CST8: variants seen among roughly 807,000 people sequenced by gnomAD.
The protein encoded by CST8 is cystatin-8.
Under a neutral mutation model 11.8 loss-of-function variants are expected in CST8, and 20 were observed. That is an observed-to-expected ratio of 1.70 (90% confidence interval 1.20 to 2.47). CST8 has a LOEUF of 2.47. Among genes scored for constraint, CST8 ranks in the 30% most tolerant of loss-of-function variants. The pLI, the probability that CST8 is intolerant of heterozygous loss-of-function variation, is 0.00. For missense variants in CST8, 196 were observed against 167.2 expected (o/e 1.17, Z -0.95); for synonymous variants, 77 against 63.1 (o/e 1.22, Z -1.05).
intron 3 of CST8, among the ~76,000 whole-genome samples, chr20:23,494,741 T>C (rs1987991624): frequency 1.3e-5 from 2 of 152,250 alleles, no homozygotes; most frequent in Non-Finnish European, 2.9e-5. Flanking sequence ...AGCAGAGTTC[T>C]TTGGAAGAAA....
intron 3 of CST8, among the ~76,000 whole-genome samples, chr20:23,494,552 C>T (rs6106673): frequency 0.026 from 3,970 of 152,206 alleles, 82 homozygotes; most frequent in African/African-American, 0.055. Context: ...CTTTGTCTGC[C>T]TCTTAACTCC....
chr20:23,501,282 G>T, the CST8 span, among the ~76,000 whole-genome samples: 2 of 152,188 alleles, frequency 1.3e-5, no homozygotes, highest in Admixed American at 1.3e-4. Context: ...CAGAGTTGAG[G>T]GAATCAGATG....
Position 23,491,700 on chromosome 20 carries a change from C to A in CST8, c.33C>A (p.Leu11=), listed in dbSNP as rs752503864. The A allele has an allele frequency of 4.3e-6, 7 of 1,613,914 alleles. No homozygotes were observed. In the South Asian group the frequency reaches 6.6e-5, roughly 15 times the overall value. Residue 11 remains leucine, a synonymous_variant, in exon 2 of 4, where the codon CTC becomes CTA. Transcript: ENST00000246012. ...GGTGCCGGTGGCTCTCCCTGATCCT[C>A]CTCACCATTCCCCTGGCCCTGGTGG... MPRCRWLSLI[L]LTIPLALVAR...
At chr20:23,491,444 C>T (rs1987875775) in intron 1 of CST8, 81 bp from the exon 2 acceptor site, 2 of 576,384 alleles carry the variant, frequency 3.5e-6, no homozygotes, top group East Asian at 2.9e-5. Context: ...GACTCCTTAA[C>T]TGGCATTCCT....
downstream of CST8, among the ~76,000 whole-genome samples, chr20:23,496,615 G>A (rs6076079): frequency 5.3e-4 from 81 of 152,324 alleles, 1 homozygote; most frequent in Non-Finnish European, 1.1e-3. Flanking sequence ...GGGTTTGAGA[G>A]CAGACAACTG....
At chr20:23,499,987 A>G (rs994274262), downstream of CST8, among the ~76,000 whole-genome samples, 2 of 151,610 alleles carry the variant, frequency 1.3e-5, no homozygotes, top group African/African-American at 4.8e-5. Context: ...AAAGAGAGAG[A>G]AAGGGGAAGG....
chr20:23,493,302 C>G lies in CST8; in HGVS notation c.345+231C>G, dbSNP rs145501564. ...CAGAAAGGATGTTGTCAAGACCACTCTTATCTCAAGGGCTCCATTGACTTC... is the reference window on the plus strand; with the variant it reads ...CAGAAAGGATGTTGTCAAGACCACTGTTATCTCAAGGGCTCCATTGACTTC... On this transcript the variant is annotated intron_variant, in intron 3 of 3. Transcript: ENST00000246012. 4.1e-4 allele frequency among the ~76,000 whole-genome samples: 63 copies of G among 152,296 alleles called. 1 individual carries two copies. In the East Asian group the frequency reaches 0.011, roughly 27 times the overall value.
At chr20:23,500,389 G>A (rs182923705), downstream of CST8, among the ~76,000 whole-genome samples, 370 of 152,232 alleles carry the variant, frequency 2.4e-3, 1 homozygote, top group African/African-American at 8.2e-3. Context: ...CTCAGAGGAC[G>A]TGAGTGCTGT....
chr20:23,492,223 A>G (rs1987909976), intron 2 of CST8, among the ~76,000 whole-genome samples: 1 of 152,258 alleles, frequency 6.6e-6, no homozygotes, highest in South Asian at 2.1e-4. Flanking sequence ...AGGTGAGTCC[A>G]GGTGAACCTG....
chr20:23,506,505 T>G, the CST8 span, among the ~76,000 whole-genome samples: 2 of 152,192 alleles, frequency 1.3e-5, no homozygotes, highest in Non-Finnish European at 2.9e-5. Context: ...CTATACCCCA[T>G]GTTCTGAATT....
chr20:23,501,445 C>T, the CST8 span, among the ~76,000 whole-genome samples: 2 of 152,258 alleles, frequency 1.3e-5, no homozygotes, highest in East Asian at 1.9e-4. Flanking sequence ...CCTCCCTCTG[C>T]CCCATCCCGT....
chr20:23,497,556 T>C (rs978616583), downstream of CST8, among the ~76,000 whole-genome samples: 6 of 152,244 alleles, frequency 3.9e-5, no homozygotes. Flanking sequence ...TAGTCTGTTC[T>C]CACACTGCTG....
chr20:23,491,888 C>CCCAG lies in CST8; in HGVS notation c.223_226dup (p.Leu76ProfsTer13). 3 of 1,613,432 alleles carry CCCAG rather than the reference C, an allele frequency of 1.9e-6. No homozygotes were observed. Among genetic ancestry groups the CCCAG allele is most frequent in the Non-Finnish European group, 2.5e-6 (3 of 1,179,364 alleles). ...TTCCTGGTGGTCAAGACACTGCAAG[C>CCCAG]CCAGCTTCAGGTAAAGGTGTCTTTC... is the stretch of plus-strand genomic sequence containing the variant. On this transcript the variant is annotated frameshift_variant, in exon 2 of 4. Coordinates refer to ENST00000246012, the MANE Select transcript of CST8 (RefSeq NM_005492.4). LOFTEE classifies it high-confidence loss of function.
chr20:23,506,107 A>T, the CST8 span, among the ~76,000 whole-genome samples: 1 of 151,610 alleles, frequency 6.6e-6, no homozygotes, highest in Non-Finnish European at 1.5e-5. Flanking sequence ...GGTAGTTTGT[A>T]CTGGAGAATG....
chr20:23,495,908 T>A lies in CST8; in HGVS notation c.423T>A (p.Asp141Glu). ...CTGTGATGGAGAAAAAGTGTGAAGATGCTTAATGGTGTTTTGAGGCATCCC... is the reference window on the plus strand; with the variant it reads ...CTGTGATGGAGAAAAAGTGTGAAGAAGCTTAATGGTGTTTTGAGGCATCCC... Reference protein sequence around the residue: ...EFTVMEKKCEDA With the variant: ...EFTVMEKKCEEA The change falls in exon 4 of 4, where the codon GAT becomes GAA. Residue 141 changes from aspartate to glutamate, a missense_variant. Transcript: ENST00000246012. 6.2e-7 allele frequency: 1 copy of A among 1,610,868 alleles called. No homozygotes were observed. Among genetic ancestry groups the A allele is most frequent in the Non-Finnish European group, 8.5e-7 (1 of 1,178,642 alleles).
At chr20:23,497,542 G>A (rs967272500), downstream of CST8, among the ~76,000 whole-genome samples, 1 of 152,210 alleles carries the variant, frequency 6.6e-6, no homozygotes, top group African/African-American at 2.4e-5. Context: ...CTTCCTATAT[G>A]TATTAGTCTG....
At chr20:23,500,430 C>T (rs6132634), downstream of CST8, among the ~76,000 whole-genome samples, 1 of 152,110 alleles carries the variant, frequency 6.6e-6, no homozygotes, top group African/African-American at 2.4e-5. Context: ...CCTGTAGGGC[C>T]TTCACCACCT....
chr20:23,495,807 T>A (rs1988028902), intron 3 of CST8, 24 bp from the exon 4 acceptor site: 5 of 1,531,502 alleles, frequency 3.3e-6, no homozygotes, highest in Non-Finnish European at 4.5e-6. Context: ...CTCTACTAAT[T>A]TTTGTTGTTG....
chr20:23,494,181 G>A (rs1208048700), intron 3 of CST8, among the ~76,000 whole-genome samples: 1 of 152,142 alleles, frequency 6.6e-6, no homozygotes, highest in African/African-American at 2.4e-5. Context: ...GATCTTTTAT[G>A]CTTGTTTTAT....
Sources: gnomAD v4.1 joint callset for allele counts (sites outside exome capture counted in the v4.1 genomes callset) on GRCh38, gnomAD v4.1.1 for gene constraint, MANE v1.5 for transcripts, NCBI Gene and HGNC (gene_info 2026-07-23, HGNC 2026-07-21) for gene names.